FRAS1: variants seen among roughly 807,000 people sequenced by gnomAD.
The protein encoded by FRAS1 is extracellular matrix organizing protein FRAS1.
Under a neutral mutation model 435.2 loss-of-function variants are expected in FRAS1, and 290 were observed. The observed-to-expected ratio is 0.67, with a 90% CI of 0.61 to 0.73. The LOEUF (loss-of-function observed/expected upper bound fraction) is 0.73, where lower values mean the gene tolerates loss of function less well. Among genes scored for constraint, FRAS1 ranks in the 30% least tolerant of loss-of-function variants. The probability of loss-of-function intolerance (pLI) is 0.00; values close to 1 mark genes in which losing one functional copy is unlikely to be tolerated. For missense variants in FRAS1, 4,860 were observed against 5,001.5 expected (o/e 0.97, Z 0.85); for synonymous variants, 1,800 against 1,851.0 (o/e 0.97, Z 0.71).
Position 78,537,085 on chromosome 4 carries a change from C to G in FRAS1, c.11183C>G (p.Thr3728Arg). The G allele has an allele frequency of 6.2e-7, 1 of 1,613,944 alleles. No individual in the cohort carries two copies. The highest frequency in any genetic ancestry group is 8.5e-7 in the Non-Finnish European group (1 of 1,179,840). The change falls in exon 72 of 74, where the codon ACG becomes AGG. Residue 3728 changes from threonine (T) to arginine (R), a missense_variant. Physicochemically the swap from Thr to Arg is moderately conservative, Grantham distance 71. Coordinates refer to ENST00000512123, the MANE Select transcript of FRAS1 (RefSeq NM_025074.7). ...KLQLEKVYLC[T>R]GKDGYVPFFD... Reference sequence around the variant, plus strand: ...CAGCTGGAGAAAGTCTATCTTTGTACGGGCAAGGATGGTTATGTGCCTTTC... The same window carrying G: ...CAGCTGGAGAAAGTCTATCTTTGTAGGGGCAAGGATGGTTATGTGCCTTTC...
intron 67 of FRAS1, among the ~76,000 whole-genome samples, chr4:78,520,698 G>A (rs1252259659): frequency 1.3e-5 from 2 of 152,162 alleles, no homozygotes; most frequent in Admixed American, 1.3e-4. Flanking sequence ...AAATCTATAT[G>A]TTTAGTGCAG....
intron 2 of FRAS1, among the ~76,000 whole-genome samples, chr4:78,154,166 T>C (rs533748641): frequency 6.6e-6 from 1 of 152,282 alleles, no homozygotes; most frequent in African/African-American, 2.4e-5. Context: ...GAAGCTAATA[T>C]ATGGCATGTT....
intron 18 of FRAS1, among the ~76,000 whole-genome samples, chr4:78,331,540 A>T (rs189630725): frequency 6.6e-6 from 1 of 152,252 alleles, no homozygotes; most frequent in African/African-American, 2.4e-5. Context: ...CATTAGCTCC[A>T]TATATATATT....
chr4:78,058,966 G>A (rs1739609723), intron 1 of FRAS1, among the ~76,000 whole-genome samples: 1 of 152,232 alleles, frequency 6.6e-6, no homozygotes. Context: ...AGTGCTTAGG[G>A]AGGGGGAAGG....
chr4:78,205,156 C>G (rs1222839718), intron 2 of FRAS1, among the ~76,000 whole-genome samples: 1 of 151,668 alleles, frequency 6.6e-6, no homozygotes, highest in East Asian at 1.9e-4. Context: ...GGGTGGTTAT[C>G]CCAACCAGTT....
chr4:78,338,732 C>G (rs1473181395), intron 20 of FRAS1, among the ~76,000 whole-genome samples: 1 of 152,152 alleles, frequency 6.6e-6, no homozygotes, highest in Non-Finnish European at 1.5e-5. Flanking sequence ...GTCTAGATCA[C>G]AGTATCCAGC....
Position 78,308,101 on chromosome 4 carries a change from A to G in FRAS1, c.1570A>G (p.Thr524Ala), listed in dbSNP as rs375069521. The G allele has an allele frequency of 1.2e-5, 19 of 1,613,582 alleles. No individual in the cohort carries two copies. The African/African-American group carries it at 2.0e-4, about 17-fold the overall frequency. Residue 524 changes from threonine to alanine, a missense_variant, in exon 15 of 74, where the codon ACG becomes GCG. By Grantham distance (58) the Thr-to-Ala change is moderately conservative. Transcript: ENST00000512123. Reference sequence around the variant, plus strand: ...GTCCTGTGCAGGTTGCTGGGGCCCAACGGAGAAGCACTGCTTGGCCTGCAG... The same window carrying G: ...GTCCTGTGCAGGTTGCTGGGGCCCAGCGGAGAAGCACTGCTTGGCCTGCAG... ...HESCAGCWGP[T>A]EKHCLACRDP...
chr4:78,138,612 T>C (rs749669103), intron 2 of FRAS1, among the ~76,000 whole-genome samples: 1 of 152,216 alleles, frequency 6.6e-6, no homozygotes, highest in Non-Finnish European at 1.5e-5. Context: ...TACCATTGTG[T>C]GTTCCTGGAC....
chr4:78,077,197 A>ACACAC (rs1740677223), intron 2 of FRAS1, among the ~76,000 whole-genome samples: 2 of 149,932 alleles, frequency 1.3e-5, no homozygotes, highest in African/African-American at 4.9e-5. Context: ...GACACACAGA[A>ACACAC]ACACACACAC....
chr4:78,264,954 G>C, intron 6 of FRAS1, 71 bp from the exon 7 acceptor site: 1 of 912,478 alleles, frequency 1.1e-6, no homozygotes, highest in Non-Finnish European at 1.8e-6. Flanking sequence ...GGCTGTGAAT[G>C]AAATTTTCCT....
chr4:78,093,835 A>G lies in FRAS1; in HGVS notation c.108+27819A>G, dbSNP rs142660312. 8.6e-4 allele frequency among the ~76,000 whole-genome samples: 131 copies of G among 152,290 alleles called. 1 individual carries two copies. Among genetic ancestry groups the G allele is most frequent in the African/African-American group, 3.0e-3 (125 of 41,568 alleles). ...TAGAGAAATTCTGTTTGCAAAGCAT[A>G]TATTTTTGGTTATTTCTGTTAAGGT... On this transcript the variant is annotated intron_variant, in intron 2 of 73. Coordinates refer to ENST00000512123, the MANE Select transcript of FRAS1 (RefSeq NM_025074.7).
chr4:78,452,405 G>T, intron 47 of FRAS1, 51 bp downstream of exon 47: 1 of 1,413,024 alleles, frequency 7.1e-7, no homozygotes. Flanking sequence ...ACCTTAGTAA[G>T]TATTGAGGGC....
intron 18 of FRAS1, among the ~76,000 whole-genome samples, chr4:78,324,728 T>TTTTC (rs1408805058): frequency 2.7e-5 from 4 of 147,808 alleles, no homozygotes; most frequent in Non-Finnish European, 6.0e-5. Flanking sequence ...TTTTTTTTTT[T>TTTTC]TTTCTGCATG....
In FRAS1 at chr4:78,469,309, GATCCA is replaced by G. The variant is rs578088225; in HGVS notation, c.7258-666_7258-662del. 9.8e-5 allele frequency among the ~76,000 whole-genome samples: 15 copies of G among 152,302 alleles called. No individual in the cohort carries two copies. In the South Asian group the frequency reaches 2.9e-3, roughly 30 times the overall value. On this transcript the variant is annotated intron_variant, in intron 50 of 73. Coordinates refer to ENST00000512123, the MANE Select transcript of FRAS1 (RefSeq NM_025074.7). ...TCCACCCAGGAACAGGGAGATGCTA[GATCCA>G]ATTTATGATGTGTGTGTTGCATGCA...
intron 35 of FRAS1, among the ~76,000 whole-genome samples, chr4:78,427,019 C>G (rs947880662): frequency 3.9e-5 from 6 of 152,182 alleles, no homozygotes; most frequent in Non-Finnish European, 8.8e-5. Context: ...TGGACTTCCT[C>G]CCTGGTATGG....
At chr4:78,116,705 A>G (rs532633863) in intron 2 of FRAS1, among the ~76,000 whole-genome samples, 256 of 151,920 alleles carry the variant, frequency 1.7e-3, no homozygotes, top group African/African-American at 5.6e-3. Context: ...CCATCCCTTT[A>G]TTTTGAGCCT....
At chr4:78,084,114 G>A (rs1200956137) in intron 2 of FRAS1, among the ~76,000 whole-genome samples, 1 of 152,050 alleles carries the variant, frequency 6.6e-6, no homozygotes, top group African/African-American at 2.4e-5. Flanking sequence ...TATTACAGAA[G>A]TTCCTCCTTA....
intron 2 of FRAS1, among the ~76,000 whole-genome samples, chr4:78,219,841 C>A (rs1723975198): frequency 6.6e-6 from 1 of 152,044 alleles, no homozygotes; most frequent in East Asian, 1.9e-4. Context: ...GTTTTCTCTG[C>A]AGAAAAAAAC....
chr4:78,528,360 T>A (rs1721606945), intron 70 of FRAS1, among the ~76,000 whole-genome samples: 1 of 152,180 alleles, frequency 6.6e-6, no homozygotes, highest in African/African-American at 2.4e-5. Context: ...AGAGACAAGA[T>A]AGGGAACATA....
Sources: allele counts gnomAD v4.1 joint callset (sites outside exome capture counted in the v4.1 genomes callset), GRCh38; gene constraint gnomAD v4.1.1; transcripts MANE v1.5; gene names NCBI Gene and HGNC (gene_info 2026-07-23, HGNC 2026-07-21).